The following PIGN variants were observed in gnomAD, a reference collection of about 807,000 sequenced individuals.
PIGN encodes GPI ethanolamine phosphate transferase 1.
PIGN carries 117 observed loss-of-function variants against 125.4 expected under a neutral mutation model. The observed-to-expected ratio is 0.93, with a 90% confidence interval of 0.80 to 1.09. The LOEUF is 1.09. PIGN is among the 50% of genes least tolerant of loss of function. The pLI is 0.00. For missense variants in PIGN, 1,075 were observed against 1,094.9 expected (o/e 0.98, Z 0.26); for synonymous variants, 392 against 377.8 (o/e 1.04, Z -0.44).
intron 11 of PIGN, among the ~76,000 whole-genome samples, chr18:62,143,061 A>G (rs1204629783): frequency 6.6e-6 from 1 of 152,244 alleles, no homozygotes; most frequent in Non-Finnish European, 1.5e-5. Context: ...TTCAATTTAC[A>G]TAACAAATAA....
At chr18:62,138,349 T>C in intron 13 of PIGN, 51 bp from the exon 14 acceptor site, 4 of 1,507,202 alleles carry the variant, frequency 2.7e-6, no homozygotes, top group East Asian at 2.5e-5. Context: ...ATGAATTCCA[T>C]TTTGAAATAT....
At chr18:62,183,790 C>A (rs988771467) in intron 1 of PIGN, among the ~76,000 whole-genome samples, 15 of 151,830 alleles carry the variant, frequency 9.9e-5, no homozygotes, top group Non-Finnish European at 1.9e-4. Flanking sequence ...CTAGAGGATG[C>A]CCTGCTTCTG....
At chr18:62,038,308 G>GTTTTTTTTTTTTTTTTTTTTT (rs34436733), downstream of PIGN, among the ~76,000 whole-genome samples, 4 of 120,088 alleles carry the variant, frequency 3.3e-5, no homozygotes, top group Non-Finnish European at 4.9e-5. Context: ...CCCCCTCCGT[G>GTTTTTTTTTTTTTTTTTTTTT]TTTTTTTTTT....
intron 28 of PIGN, among the ~76,000 whole-genome samples, chr18:62,077,223 G>C (rs1442444562): frequency 2.0e-5 from 3 of 151,962 alleles, no homozygotes; most frequent in Non-Finnish European, 4.4e-5. Flanking sequence ...ACTAAAAATA[G>C]AAAAATTAGG....
At chr18:62,151,472 A>C (rs528416099) in intron 7 of PIGN, among the ~76,000 whole-genome samples, 8 of 152,174 alleles carry the variant, frequency 5.3e-5, no homozygotes, top group Non-Finnish European at 1.2e-4. Context: ...AAAAGGAAAG[A>C]AAGCCTCGGA....
intron 6 of PIGN, among the ~76,000 whole-genome samples, chr18:62,155,644 C>A (rs924468579): frequency 6.6e-6 from 1 of 152,140 alleles, no homozygotes; most frequent in Admixed American, 6.5e-5. Context: ...GCTCTAATGA[C>A]CCTATTCCAC....
At chr18:62,088,430 C>T (rs932754421) in intron 25 of PIGN, 14 of 165,450 alleles carry the variant, frequency 8.5e-5, no homozygotes, top group Admixed American at 2.6e-4. Flanking sequence ...GTGAGAAATT[C>T]GATTGAAGTC....
At chr18:62,126,420 G>T (rs760935953) in intron 14 of PIGN, among the ~76,000 whole-genome samples, 4 of 152,046 alleles carry the variant, frequency 2.6e-5, no homozygotes, top group Admixed American at 1.3e-4. Context: ...GGTGCTGAGT[G>T]ATTTATTAGG....
At chr18:62,060,733 A>T (rs1337371750) in intron 30 of PIGN, among the ~76,000 whole-genome samples, 3 of 152,208 alleles carry the variant, frequency 2.0e-5, no homozygotes, top group Non-Finnish European at 4.4e-5. Context: ...ACTCAGCTCA[A>T]TCAAACTGAT....
chr18:62,032,604 A>G (rs527940648), intron 23 of PIGN, among the ~76,000 whole-genome samples: 1 of 152,254 alleles, frequency 6.6e-6, no homozygotes, highest in South Asian at 2.1e-4. Flanking sequence ...AAAAATCTAC[A>G]GATGCTCTTA....
chr18:62,049,423 TGGTTTTGA>T (rs1437248597), intron 30 of PIGN, among the ~76,000 whole-genome samples: 1 of 150,800 alleles, frequency 6.6e-6, no homozygotes, highest in Non-Finnish European at 1.5e-5. Context: ...TATCTCATTG[TGGTTTTGA>T]TTTGCATTTC....
chr18:62,138,856 TA>T, intron 13 of PIGN, 126 bp downstream of exon 13: 1 of 576,958 alleles, frequency 1.7e-6, no homozygotes, highest in Non-Finnish European at 3.0e-6. Context: ...GTCAAATACA[TA>T]AAATTTAAAG....
At chr18:62,146,512 G>C (rs896355647) in intron 9 of PIGN, among the ~76,000 whole-genome samples, 1 of 152,178 alleles carries the variant, frequency 6.6e-6, no homozygotes, top group Non-Finnish European at 1.5e-5. Context: ...CAAATCACTA[G>C]AAATCCATAT....
At chr18:62,116,548 T>C (rs2035093480) in intron 14 of PIGN, among the ~76,000 whole-genome samples, 1 of 152,212 alleles carries the variant, frequency 6.6e-6, no homozygotes, top group Non-Finnish European at 1.5e-5. Context: ...CTTTGCTTTC[T>C]AAAATCAAAT....
intron 23 of PIGN, among the ~76,000 whole-genome samples, chr18:62,033,988 T>C (rs1055648110): frequency 1.1e-4 from 17 of 152,196 alleles, no homozygotes; most frequent in African/African-American, 3.4e-4. Context: ...GTCACACAAC[T>C]AATAAGAAGC....
At chr18:62,095,339 T>C (rs188884551) in intron 23 of PIGN, among the ~76,000 whole-genome samples, 1 of 152,342 alleles carries the variant, frequency 6.6e-6, no homozygotes, top group Admixed American at 6.5e-5. Flanking sequence ...AGCTGCTGAT[T>C]TTTTGTTTTG....
At chr18:62,073,145 T>G (rs1367820359) in intron 29 of PIGN, among the ~76,000 whole-genome samples, 1 of 151,092 alleles carries the variant, frequency 6.6e-6, no homozygotes, top group African/African-American at 2.4e-5. Context: ...TAGGCTGTAG[T>G]AAATAATTCC....
chr18:62,071,866 A>ATATATATATATATATG (rs1168163852), intron 30 of PIGN, among the ~76,000 whole-genome samples: 120 of 3,242 alleles, frequency 0.037, 2 homozygotes, highest in African/African-American at 0.11. Context: ...CCTTTTCCAT[A>ATATATATATATATATG]TATATATATA....
intron 11 of PIGN, 127 bp downstream of exon 11, chr18:62,143,179 C>T (rs1599620365): frequency 1.6e-6 from 1 of 613,962 alleles, no homozygotes; most frequent in East Asian, 3.1e-5. Flanking sequence ...AAGAATTCCC[C>T]TTAGTAACTG....
Sources: gnomAD v4.1 joint callset for allele counts (sites outside exome capture counted in the v4.1 genomes callset) on GRCh38, gnomAD v4.1.1 for gene constraint, MANE v1.5 for transcripts, NCBI Gene and HGNC (gene_info 2026-07-23, HGNC 2026-07-21) for gene names.